The following RARB variants were observed in gnomAD, a reference collection of about 807,000 sequenced individuals.
The protein encoded by RARB is HBV-activated protein.
In RARB, 17 loss-of-function variants were observed where a neutral mutation model predicts 51.9. The observed-to-expected ratio is 0.33, with a 90% confidence interval of 0.22 to 0.49. The LOEUF (loss-of-function observed/expected upper bound fraction) is 0.49, where lower values mean the gene tolerates loss of function less well. Ranked by LOEUF, RARB falls within the 20% of genes least tolerant of loss-of-function variation. The pLI is 0.99. For synonymous variants in RARB, 215 were observed against 195.4 expected, an observed-to-expected ratio of 1.10 and a Z score of -0.84; for missense variants, 369 against 550.8, an observed-to-expected ratio of 0.67 and a Z score of 3.30.
chr3:24,944,142 G>A (rs942754985), intron 2 of RARB, among the ~76,000 whole-genome samples: 14 of 152,272 alleles, frequency 9.2e-5, no homozygotes, highest in Admixed American at 9.2e-4. Context: ...GCCCTAGACA[G>A]GACAATGATT....
chr3:25,116,526 G>T (rs929391541), intron 3 of RARB, among the ~76,000 whole-genome samples: 7 of 152,108 alleles, frequency 4.6e-5, no homozygotes, highest in African/African-American at 1.7e-4. Context: ...TCCAAGAGCG[G>T]AGGTCTATGA....
intron 2 of RARB, among the ~76,000 whole-genome samples, chr3:24,909,148 A>G (rs1694936262): frequency 6.6e-6 from 1 of 152,178 alleles, no homozygotes; most frequent in African/African-American, 2.4e-5. Flanking sequence ...TGAGGTTAAA[A>G]GCAAGTAAGT....
chr3:25,405,223 T>G (rs946700364), intron 5 of RARB, among the ~76,000 whole-genome samples: 1 of 152,112 alleles, frequency 6.6e-6, no homozygotes, highest in Non-Finnish European at 1.5e-5. Context: ...GATTGACAAA[T>G]AATCTACTAT....
intron 1 of RARB, 126 bp downstream of exon 1, chr3:25,429,014 G>T: frequency 8.2e-7 from 1 of 1,214,726 alleles, no homozygotes; most frequent in Non-Finnish European, 1.1e-6. Context: ...AATGCTGAAG[G>T]GGTGTGATAT....
chr3:25,234,506 TTATTC>T (rs1559516758), intron 5 of RARB, among the ~76,000 whole-genome samples: 1 of 152,178 alleles, frequency 6.6e-6, no homozygotes, highest in Non-Finnish European at 1.5e-5. Flanking sequence ...GTTTCAAATT[TTATTC>T]TATTCTATTC....
chr3:24,856,081 G>T (rs978395345), intron 1 of RARB, among the ~76,000 whole-genome samples: 1 of 151,984 alleles, frequency 6.6e-6, no homozygotes, highest in Non-Finnish European at 1.5e-5. Flanking sequence ...GTTTTCCTAG[G>T]TGACTCTTGA....
At chr3:24,970,332 A>C (rs11129173) in intron 2 of RARB, among the ~76,000 whole-genome samples, 1 of 151,662 alleles carries the variant, frequency 6.6e-6, no homozygotes, top group Non-Finnish European at 1.5e-5. Context: ...TGAAACCACC[A>C]CGAGTATTTC....
intron 2 of RARB, among the ~76,000 whole-genome samples, chr3:24,892,220 GAAAAAAAA>G (rs35087864): frequency 7.4e-6 from 1 of 135,594 alleles, no homozygotes; most frequent in Non-Finnish European, 1.6e-5. Context: ...TGCCCTCTTA[GAAAAAAAA>G]AAAAAAAGGG....
At chr3:25,403,370 C>G (rs1707317727) in intron 5 of RARB, among the ~76,000 whole-genome samples, 1 of 151,962 alleles carries the variant, frequency 6.6e-6, no homozygotes, top group African/African-American at 2.4e-5. Context: ...ATCTCATGTA[C>G]CCATAAATAT....
intron 2 of RARB, among the ~76,000 whole-genome samples, chr3:24,931,623 G>T (rs1475040955): frequency 6.6e-6 from 1 of 152,094 alleles, no homozygotes; most frequent in Non-Finnish European, 1.5e-5. Flanking sequence ...ACAGCAGACT[G>T]ATAGGTACAG....
chr3:25,252,056 A>G (rs1702736060), intron 5 of RARB, among the ~76,000 whole-genome samples: 2 of 152,104 alleles, frequency 1.3e-5, no homozygotes, highest in South Asian at 2.1e-4. Flanking sequence ...TAGGGGTCTA[A>G]TCTTACTCTT....
rs1207806093 is a variant in RARB, at chr3:25,597,798, C to CAAGT, written c.*1183_*1186dup. 6.6e-6 allele frequency: 1 copy of CAAGT among 151,846 alleles called. No individual in the cohort carries two copies. Among genetic ancestry groups the CAAGT allele is most frequent in the African/African-American group, 2.4e-5 (1 of 41,046 alleles). 9.4% of individuals were successfully genotyped at this position (151,846 alleles called of 1,614,324 possible). A position where few individuals can be genotyped will look rare whatever the true frequency, so the allele number is the denominator to read the frequency against. On this transcript the variant is annotated 3_prime_UTR_variant, in exon 8 of 8. Coordinates refer to ENST00000330688, the MANE Select transcript of RARB (RefSeq NM_000965.5). ...GAATTTTTTTTTTTTGATATATTAG[C>CAAGT]AAGTCTGTGATGTACTTTCACTGGC...
At chr3:25,420,955 C>A (rs1297774914) in intron 5 of RARB, among the ~76,000 whole-genome samples, 3 of 144,036 alleles carry the variant, frequency 2.1e-5, no homozygotes, top group African/African-American at 7.7e-5. Flanking sequence ...AATTTATAAT[C>A]AGCCCTAAGG....
chr3:25,485,384 G>A (rs56327128), intron 2 of RARB, among the ~76,000 whole-genome samples: 7,455 of 152,264 alleles, frequency 0.049, 192 homozygotes, highest in East Asian at 0.066. Flanking sequence ...TGGCCTTTTG[G>A]GTGAGTGTGC....
intron 5 of RARB, among the ~76,000 whole-genome samples, chr3:25,249,566 AT>A (rs145836613): frequency 2.0e-5 from 3 of 150,580 alleles, no homozygotes; most frequent in Non-Finnish European, 3.0e-5. Flanking sequence ...GCTTCTTTCA[AT>A]TTTTTTTAAT....
At chr3:25,422,966 G>A (rs1285098398) in intron 5 of RARB, among the ~76,000 whole-genome samples, 1 of 152,122 alleles carries the variant, frequency 6.6e-6, no homozygotes. Flanking sequence ...GTTTTATTAA[G>A]TACATCCATG....
Position 24,914,455 on chromosome 3 carries a change from A to G in RARB, c.-380+55703A>G, listed in dbSNP as rs200949923. Among the ~76,000 whole-genome samples, 10 of 152,124 alleles carry G rather than the reference A, an allele frequency of 6.6e-5. No homozygotes were observed. The East Asian group carries it at 1.5e-3, about 24-fold the overall frequency. On this transcript the variant is annotated intron_variant, in intron 2 of 11. Transcript: ENST00000383772. The stretch of plus-strand genomic sequence containing the variant: ...GGGAAGAGGTAATTCAACCTTCCGG[A>G]TTTGATAGATGGAACATCTTCTGCC...
intron 5 of RARB, among the ~76,000 whole-genome samples, chr3:25,323,529 T>A (rs1465672696): frequency 6.6e-6 from 1 of 152,220 alleles, no homozygotes; most frequent in Admixed American, 6.5e-5. Context: ...TATAACATAT[T>A]CAAAATCTTC....
At chr3:24,993,417 T>A (rs78066078) in intron 2 of RARB, among the ~76,000 whole-genome samples, 2,085 of 152,282 alleles carry the variant, frequency 0.014, 50 homozygotes, top group East Asian at 0.12. Flanking sequence ...GTCTTTTTTT[T>A]AATTTACAAA....
Sources: gnomAD v4.1 joint callset for allele counts (sites outside exome capture counted in the v4.1 genomes callset) on GRCh38, gnomAD v4.1.1 for gene constraint, MANE v1.5 for transcripts, NCBI Gene and HGNC (gene_info 2026-07-23, HGNC 2026-07-21) for gene names.